The following CFAP61 variants were observed in gnomAD, a reference collection of about 807,000 sequenced individuals.
The protein encoded by CFAP61 is cilia- and flagella-associated protein 61.
A neutral mutation model predicts 135.6 loss-of-function variants in CFAP61; 107 were observed. That is an observed-to-expected ratio of 0.79 (90% confidence interval 0.67 to 0.93). The LOEUF (loss-of-function observed/expected upper bound fraction) is 0.93. Among genes scored for constraint, CFAP61 ranks in the 40% least tolerant of loss-of-function variants. CFAP61 has a pLI of 0.00. For synonymous variants in CFAP61, 575 were observed against 578.5 expected (o/e 0.99, Z 0.09); for missense variants, 1,507 against 1,556.2 (o/e 0.97, Z 0.53).
intron 6 of CFAP61, chr20:20,085,482 C>G: frequency 7.3e-7 from 1 of 1,366,546 alleles, no homozygotes; most frequent in Non-Finnish European, 9.8e-7. Context: ...AGAGCCTCTT[C>G]AGAACTCCAA....
chr20:20,123,996 A>T (rs115196533), intron 8 of CFAP61, among the ~76,000 whole-genome samples: 1,951 of 43,504 alleles, frequency 0.045, 76 homozygotes, highest in African/African-American at 0.14. Context: ...TTTTTTTTGC[A>T]TGCTATTATA....
chr20:20,251,287 G>C (rs949381395), intron 19 of CFAP61, among the ~76,000 whole-genome samples: 2 of 151,912 alleles, frequency 1.3e-5, no homozygotes, highest in African/African-American at 2.4e-5. Context: ...AGAAGCAGAA[G>C]AAAGGTATAG....
intron 2 of CFAP61, among the ~76,000 whole-genome samples, chr20:20,058,922 C>G (rs1035083879): frequency 6.6e-6 from 1 of 152,042 alleles, no homozygotes; most frequent in Non-Finnish European, 1.5e-5. Flanking sequence ...TTAGAATCAA[C>G]AAGAGAAATT....
intron 17 of CFAP61, among the ~76,000 whole-genome samples, chr20:20,224,752 T>C (rs538174939): frequency 1.3e-5 from 2 of 152,224 alleles, no homozygotes; most frequent in African/African-American, 2.4e-5. Flanking sequence ...ATTAGAAAAA[T>C]AGAAATGTCT....
At chr20:20,059,975 G>A (rs2044674295) in intron 2 of CFAP61, among the ~76,000 whole-genome samples, 1 of 152,080 alleles carries the variant, frequency 6.6e-6, no homozygotes, top group Admixed American at 6.6e-5. Flanking sequence ...AAAACTCAGT[G>A]GATCCCAAAG....
intron 17 of CFAP61, among the ~76,000 whole-genome samples, chr20:20,222,663 T>C (rs757842614): frequency 9.9e-5 from 15 of 152,182 alleles, no homozygotes; most frequent in Non-Finnish European, 2.1e-4. Flanking sequence ...TTTTGAAACT[T>C]TTTAATTATT....
chr20:20,171,822 T>A (rs1038734430), intron 13 of CFAP61: 4 of 704,772 alleles, frequency 5.7e-6, no homozygotes, highest in Non-Finnish European at 1.1e-5. Context: ...CACCAGAGTG[T>A]CAAAGGGCTC....
At chr20:20,179,443 A>G (rs1449747237) in intron 13 of CFAP61, among the ~76,000 whole-genome samples, 2 of 152,244 alleles carry the variant, frequency 1.3e-5, no homozygotes, top group African/African-American at 2.4e-5. Flanking sequence ...TATCATTAAA[A>G]TGACCATACT....
chr20:20,287,974 C>T (rs536830244), intron 22 of CFAP61, among the ~76,000 whole-genome samples: 12 of 152,270 alleles, frequency 7.9e-5, no homozygotes, highest in African/African-American at 2.9e-4. Context: ...ATGGCACCCT[C>T]ACACAGTGCC....
chr20:20,251,647 A>C lies in CFAP61; in HGVS notation c.2212A>C (p.Asn738His). 1 of 1,614,204 alleles carries C rather than the reference A, an allele frequency of 6.2e-7. No homozygotes were observed. The highest frequency in any genetic ancestry group is 8.5e-7 in the Non-Finnish European group (1 of 1,180,028). Residue 738 changes from asparagine to histidine, a missense_variant, in exon 20 of 27, where the codon AAT becomes CAT. Asn to His is a moderately conservative substitution (Grantham distance 68). Coordinates refer to ENST00000245957, the MANE Select transcript of CFAP61 (RefSeq NM_015585.4). Reference protein sequence around the residue: ...YALMSLCSWVNVVVGRMTGID... With the variant: ...YALMSLCSWVHVVVGRMTGID... ...ACTGATGTCACTGTGCTCCTGGGTTAATGTCGTGGTGGGTAGAATGACCGG... is the reference window on the plus strand; with the variant it reads ...ACTGATGTCACTGTGCTCCTGGGTTCATGTCGTGGTGGGTAGAATGACCGG...
At chr20:20,102,930 C>T (rs2048128740) in intron 8 of CFAP61, among the ~76,000 whole-genome samples, 3 of 152,266 alleles carry the variant, frequency 2.0e-5, no homozygotes, top group African/African-American at 7.2e-5. Context: ...TTTTCTAGCT[C>T]CTAATACACA....
intron 17 of CFAP61, among the ~76,000 whole-genome samples, chr20:20,201,670 C>T (rs111549806): frequency 0.04 from 6,025 of 152,284 alleles, 155 homozygotes; most frequent in Middle Eastern, 0.11. Context: ...ACCACTGAAA[C>T]ACAGTTTCCA....
intron 25 of CFAP61, among the ~76,000 whole-genome samples, chr20:20,320,432 TATA>T (rs796460664): frequency 0.014 from 86 of 5,934 alleles, 18 homozygotes; most frequent in Admixed American, 0.11. Flanking sequence ...ATATATGTAA[TATA>T]ATATATGTAA....
chr20:20,281,115 A>G (rs1295325746), intron 22 of CFAP61, among the ~76,000 whole-genome samples: 6 of 152,228 alleles, frequency 3.9e-5, no homozygotes, highest in African/African-American at 1.2e-4. Context: ...CTGTATAAAC[A>G]TTGTAACTTG....
intron 26 of CFAP61, among the ~76,000 whole-genome samples, chr20:20,355,347 G>A (rs2059056360): frequency 7.7e-6 from 1 of 130,384 alleles, no homozygotes; most frequent in African/African-American, 3.0e-5. Context: ...GTCACACTGT[G>A]AGGGGAGGTG....
chr20:20,150,733 C>G (rs774301831), intron 9 of CFAP61, among the ~76,000 whole-genome samples: 5 of 152,182 alleles, frequency 3.3e-5, no homozygotes, highest in Non-Finnish European at 5.9e-5. Flanking sequence ...TCACAGGACT[C>G]CTTGCAGACA....
chr20:20,180,673 G>A (rs982791151), intron 13 of CFAP61, among the ~76,000 whole-genome samples: 2 of 152,052 alleles, frequency 1.3e-5, no homozygotes, highest in Non-Finnish European at 2.9e-5. Context: ...TATATCCAAA[G>A]GAATATAAAT....
At chr20:20,206,380 A>C (rs1909904785) in intron 17 of CFAP61, among the ~76,000 whole-genome samples, 1 of 152,186 alleles carries the variant, frequency 6.6e-6, no homozygotes, top group South Asian at 2.1e-4. Context: ...GAACATTTTC[A>C]TCACCTGCAA....
Position 20,105,808 on chromosome 20 carries a change from G to GT in CFAP61, c.859+7006dup, listed in dbSNP as rs11087305. Among the ~76,000 whole-genome samples, 57 of 140,886 alleles carry GT rather than the reference G, an allele frequency of 4.0e-4. No homozygotes were observed. In the East Asian group the frequency reaches 8.4e-3, roughly 21 times the overall value. The allele number at this position is 140,886 out of a possible 152,430, so 92.4% of individuals were successfully genotyped here. A position where few individuals can be genotyped will look rare whatever the true frequency, so the allele number is the denominator to read the frequency against. ...CACCATGCCCGGCTAATTTTTTTGA[G>GT]TTTTTTTTTTTTAGTAGAGATGGGG... On this transcript the variant is annotated intron_variant, in intron 8 of 26. Coordinates refer to ENST00000245957, the MANE Select transcript of CFAP61 (RefSeq NM_015585.4).
Sources: allele counts gnomAD v4.1 joint callset (sites outside exome capture counted in the v4.1 genomes callset), GRCh38; gene constraint gnomAD v4.1.1; transcripts MANE v1.5; gene names NCBI Gene and HGNC (gene_info 2026-07-23, HGNC 2026-07-21).